The following PALM2AKAP2 variants were observed in gnomAD, a reference collection of about 807,000 sequenced individuals.
PALM2AKAP2 encodes the protein PALM2-AKAP2 fusion protein.
Under a neutral mutation model 71.5 loss-of-function variants are expected in PALM2AKAP2, and 37 were observed. The observed-to-expected ratio is 0.52, with a 90% CI of 0.40 to 0.68. The LOEUF (loss-of-function observed/expected upper bound fraction) is 0.68, where lower values mean the gene tolerates loss of function less well. PALM2AKAP2 is among the 30% of genes least tolerant of loss of function. The pLI is 0.00. For synonymous variants in PALM2AKAP2, 468 were observed against 478.8 expected, an observed-to-expected ratio of 0.98 and a Z score of 0.29; for missense variants, 1,224 against 1,191.8, an observed-to-expected ratio of 1.03 and a Z score of -0.40.
At chr9:110,163,927 A>G (rs1229047129) in intron 3 of PALM2AKAP2, among the ~76,000 whole-genome samples, 2 of 152,192 alleles carry the variant, frequency 1.3e-5, no homozygotes, top group African/African-American at 4.8e-5. Flanking sequence ...AGCCTGATAC[A>G]TCCTAACATT....
In PALM2AKAP2 at chr9:109,801,218, G is replaced by A. The variant is rs558861737; in HGVS notation, c.45+20685G>A. 1.4e-4 allele frequency among the ~76,000 whole-genome samples: 22 copies of A among 152,316 alleles called. 1 individual carries two copies. In the South Asian group the frequency reaches 4.6e-3, roughly 32 times the overall value. Reference sequence around the variant, plus strand: ...TGTGGGTCCCTCCAGGGAGAAAGGAGTTCCTTAAAAGCAAACTCAGACAAG... The same window carrying A: ...TGTGGGTCCCTCCAGGGAGAAAGGAATTCCTTAAAAGCAAACTCAGACAAG... On this transcript the variant is annotated intron_variant, in intron 1 of 9. Coordinates refer to the PALM2AKAP2 transcript ENST00000302798.
At chr9:109,664,141 C>T (rs1827441975) in intron 1 of PALM2AKAP2, among the ~76,000 whole-genome samples, 1 of 152,124 alleles carries the variant, frequency 6.6e-6, no homozygotes, top group South Asian at 2.1e-4. Context: ...ACTCTTTCTC[C>T]AATTTGCCAG....
intron 1 of PALM2AKAP2, among the ~76,000 whole-genome samples, chr9:109,854,583 G>A (rs1233364730): frequency 1.3e-5 from 2 of 152,074 alleles, no homozygotes; most frequent in East Asian, 1.9e-4. Flanking sequence ...AAAGATGAAA[G>A]CATTCCAAAT....
intron 2 of PALM2AKAP2, among the ~76,000 whole-genome samples, chr9:109,876,455 CCCACTG>C (rs541674859): frequency 2.4e-3 from 364 of 152,198 alleles, no homozygotes; most frequent in African/African-American, 8.0e-3. Flanking sequence ...TGAGACCAGG[CCCACTG>C]CCTTTTCCAG....
At chr9:109,893,868 T>A (rs1326903475) in intron 3 of PALM2AKAP2, among the ~76,000 whole-genome samples, 2 of 151,336 alleles carry the variant, frequency 1.3e-5, no homozygotes, top group Non-Finnish European at 2.9e-5. Flanking sequence ...TCAGGAAGAG[T>A]AGCTAACACT....
At chr9:109,739,707 A>T (rs1381237760) in intron 1 of PALM2AKAP2, among the ~76,000 whole-genome samples, 1 of 152,212 alleles carries the variant, frequency 6.6e-6, no homozygotes, top group Non-Finnish European at 1.5e-5. Context: ...AATTTCTATG[A>T]GACACTTTCA....
At chr9:110,146,426 G>A (rs919240880) in intron 2 of PALM2AKAP2, among the ~76,000 whole-genome samples, 4 of 152,178 alleles carry the variant, frequency 2.6e-5, no homozygotes, top group Admixed American at 6.5e-5. Flanking sequence ...ACCATGTGAT[G>A]TCCTCATTGC....
intron 1 of PALM2AKAP2, among the ~76,000 whole-genome samples, chr9:110,111,074 T>A (rs994730321): frequency 6.8e-6 from 1 of 147,362 alleles, no homozygotes; most frequent in African/African-American, 2.5e-5. Context: ...TTTTTTCTTT[T>A]CTTTCTTTCT....
At chr9:110,171,572 C>T (rs892577011) in exon 4 of PALM2AKAP2, 2 of 152,154 alleles carry the variant, frequency 1.3e-5, no homozygotes, top group East Asian at 1.9e-4. Context: ...CTTGGGCCAC[C>T]GCTTTGTACA....
chr9:109,825,484 C>T (rs1249442280), intron 1 of PALM2AKAP2, among the ~76,000 whole-genome samples: 1 of 152,172 alleles, frequency 6.6e-6, no homozygotes, highest in Non-Finnish European at 1.5e-5. Context: ...GGCTAATATC[C>T]AGAATCTACA....
intron 1 of PALM2AKAP2, among the ~76,000 whole-genome samples, chr9:109,859,341 A>G (rs1255550791): frequency 2.0e-5 from 3 of 152,194 alleles, no homozygotes; most frequent in Admixed American, 6.5e-5. Flanking sequence ...GGTAGAAGGA[A>G]TAAGATCTAA....
chr9:109,716,577 AG>A (rs1828323369), intron 1 of PALM2AKAP2, among the ~76,000 whole-genome samples: 1 of 144,322 alleles, frequency 6.9e-6, no homozygotes, highest in Non-Finnish European at 1.6e-5. Flanking sequence ...GTAAGCTGGC[AG>A]GTACCTGGAA....
At chr9:109,731,905 T>C (rs78503029) in intron 1 of PALM2AKAP2, among the ~76,000 whole-genome samples, 6,124 of 152,174 alleles carry the variant, frequency 0.04, 186 homozygotes, top group Non-Finnish European at 0.053. Flanking sequence ...ATGTATGAGA[T>C]GACATTGGCT....
At chr9:109,812,559 C>G (rs1005167124) in intron 1 of PALM2AKAP2, among the ~76,000 whole-genome samples, 2 of 152,144 alleles carry the variant, frequency 1.3e-5, no homozygotes, top group African/African-American at 4.8e-5. Context: ...CTGCTCTCTT[C>G]CCACAGTGCA....
At chr9:109,670,604 G>A (rs931892954) in intron 1 of PALM2AKAP2, among the ~76,000 whole-genome samples, 1 of 152,000 alleles carries the variant, frequency 6.6e-6, no homozygotes, top group Admixed American at 6.6e-5. Context: ...TTTTATAATA[G>A]AATGATTTCT....
chr9:110,137,144 C>T (rs2119107165), exon 2 of PALM2AKAP2: 1 of 1,613,624 alleles, frequency 6.2e-7, no homozygotes. Flanking sequence ...TGCCTCTTCT[C>T]ATGAACGCGC....
rs35855395 is a variant in PALM2AKAP2 at position 109,975,060 on chromosome 9, G to GCACACACA, written c.497-40878_497-40871dup. ...GCCAAATATATATGTATCTGCACGT[G>GCACACACA]CACACACACACACACACACACACGT... On this transcript the variant is annotated intron_variant, in intron 6 of 9. Transcript: ENST00000302798. Among the ~76,000 whole-genome samples, 442 of 149,414 alleles carry GCACACACA rather than the reference G, an allele frequency of 3.0e-3. 2 individuals carry two copies. Among genetic ancestry groups the GCACACACA allele is most frequent in the African/African-American group, 0.01 (414 of 40,806 alleles).
rs116122990 is a variant in PALM2AKAP2, at chr9:109,821,167, C to T, written c.45+40634C>T. Among the ~76,000 whole-genome samples the T allele has an allele frequency of 8.4e-4, 128 of 152,292 alleles. 2 individuals carry two copies. Among genetic ancestry groups the T allele is most frequent in the African/African-American group, 3.1e-3 (127 of 41,548 alleles). On this transcript the variant is annotated intron_variant, in intron 1 of 9. Coordinates refer to the PALM2AKAP2 transcript ENST00000302798. ...AGCCTTGTGAGCTGCCAGGTGGGAC[C>T]AGGTGCAACCCACAGCAAGGCCACT...
At chr9:109,662,280 T>G (rs952630360) in intron 1 of PALM2AKAP2, among the ~76,000 whole-genome samples, 1 of 152,216 alleles carries the variant, frequency 6.6e-6, no homozygotes, top group Non-Finnish European at 1.5e-5. Flanking sequence ...TTTTGCCCAT[T>G]CAATATGATA....
Sources: gnomAD v4.1 joint callset for allele counts (sites outside exome capture counted in the v4.1 genomes callset) on GRCh38, gnomAD v4.1.1 for gene constraint, MANE v1.5 for transcripts, NCBI Gene and HGNC (gene_info 2026-07-23, HGNC 2026-07-21) for gene names.